Variants in ANXA2 observed in about 807,000 individuals in gnomAD.
ANXA2 encodes the protein annexin II.
In ANXA2, 28 loss-of-function variants were observed where a neutral mutation model predicts 47.3. The ratio of observed to expected loss-of-function variants is 0.59; its 90% CI spans 0.44 to 0.81. The LOEUF (loss-of-function observed/expected upper bound fraction) is 0.81, where lower values mean the gene tolerates loss of function less well. Among genes scored for constraint, ANXA2 ranks in the 40% least tolerant of loss-of-function variants. The pLI, the probability that ANXA2 is intolerant of heterozygous loss-of-function variation, is 0.00. For missense variants in ANXA2, 384 were observed against 414.3 expected, an observed-to-expected ratio of 0.93 and a Z score of 0.64; for synonymous variants, 172 against 155.5, an observed-to-expected ratio of 1.11 and a Z score of -0.79.
chr15:60,391,610 A>C (rs1354880019), intron 1 of ANXA2, among the ~76,000 whole-genome samples: 1 of 152,208 alleles, frequency 6.6e-6, no homozygotes, highest in African/African-American at 2.4e-5. Flanking sequence ...CTATTCACCA[A>C]AACATTTGCT....
chr15:60,348,112 G>A (rs1017037038), intron 12 of ANXA2, among the ~76,000 whole-genome samples: 2 of 152,216 alleles, frequency 1.3e-5, no homozygotes, highest in African/African-American at 4.8e-5. Context: ...GTGGAAATAA[G>A]CTGGTGAGGT....
chr15:60,353,122 C>T (rs959902356), intron 8 of ANXA2, among the ~76,000 whole-genome samples: 5 of 152,108 alleles, frequency 3.3e-5, no homozygotes, highest in African/African-American at 7.2e-5. Flanking sequence ...CTAGAAGTGC[C>T]GTGTGGAATA....
intron 1 of ANXA2, among the ~76,000 whole-genome samples, chr15:60,394,260 G>A (rs2063051893): frequency 6.6e-6 from 1 of 152,116 alleles, no homozygotes. Context: ...TATAGCCTGG[G>A]TGTGGCAGGG....
intron 4 of ANXA2, among the ~76,000 whole-genome samples, chr15:60,362,207 T>G (rs929903317): frequency 1.3e-5 from 2 of 152,150 alleles, no homozygotes; most frequent in African/African-American, 4.8e-5. Context: ...GTCTCCCAGT[T>G]TGGAACTTTG....
chr15:60,382,622 T>G (rs1265626189), intron 2 of ANXA2, 181 bp from the exon 3 acceptor site: 1 of 472,326 alleles, frequency 2.1e-6, no homozygotes. Flanking sequence ...TTTTTTCTAA[T>G]AAGAATTCTT....
chr15:60,387,874 T>G, intron 1 of ANXA2, among the ~76,000 whole-genome samples: 1 of 152,176 alleles, frequency 6.6e-6, no homozygotes. Flanking sequence ...AACTTTGCCA[T>G]GAACCTAAAA....
At position 60,386,041 on chromosome 15, in the gene ANXA2, C is replaced by G; in HGVS notation, c.35G>C (p.Ser12Thr). 6.2e-7 allele frequency: 1 copy of G among 1,612,442 alleles called. No homozygotes were observed. Among genetic ancestry groups the G allele is most frequent in the Non-Finnish European group, 8.5e-7 (1 of 1,179,290 alleles). The change falls in exon 2 of 13, where the codon AGC (serine) becomes ACC (threonine). Residue 12 changes from serine to threonine, a missense_variant. Physicochemically the swap from Ser to Thr is moderately conservative, Grantham distance 58. Transcript: ENST00000451270. ...STVHEILCKL[S>T]LEGDHSTPPS... The stretch of plus-strand genomic sequence containing the variant: ...TGATATACTTACATCACCCTCCAAG[C>G]TGAGCTTGCACAGGATTTCGTGAAC...
intron 11 of ANXA2, among the ~76,000 whole-genome samples, chr15:60,349,898 G>A (rs1410968872): frequency 4.2e-5 from 3 of 71,418 alleles, no homozygotes; most frequent in Non-Finnish European, 5.9e-5. Flanking sequence ...GAGAAGGCAG[G>A]GAGGCAGGGG....
chr15:60,356,056 C>G (rs2062425563), intron 6 of ANXA2, 58 bp from the exon 7 acceptor site: 1 of 1,299,856 alleles, frequency 7.7e-7, no homozygotes, highest in Non-Finnish European at 1.1e-6. Context: ...ACCATCCACC[C>G]CAATCTCCCC....
intron 3 of ANXA2, among the ~76,000 whole-genome samples, chr15:60,368,754 A>T (rs2062673599): frequency 6.6e-6 from 1 of 152,240 alleles, no homozygotes; most frequent in South Asian, 2.1e-4. Context: ...TAATGACCAT[A>T]AATGGGTTTT....
Position 60,351,810 on chromosome 15 carries a change from C to A in ANXA2, c.692G>T (p.Arg231Met). The change falls in exon 10 of 13, where the codon AGG becomes ATG. Residue 231 changes from arginine (R) to methionine (M), a missense_variant. Arg to Met is a moderately conservative substitution (Grantham distance 91, BLOSUM62 -1). Coordinates refer to ENST00000451270, the MANE Select transcript of ANXA2 (RefSeq NM_004039.3). Reference protein sequence around the residue: ...SVPHLQKVFDRYKSYSPYDML... With the variant: ...SVPHLQKVFDMYKSYSPYDML... ...GTCATAAGGGCTGTAACTCTTGTAC[C>A]TATCAAATACTGAGGAAAAACAACA... The A allele has an allele frequency of 6.2e-7, 1 of 1,609,666 alleles. No individual in the cohort carries two copies.
intron 7 of ANXA2, among the ~76,000 whole-genome samples, chr15:60,354,512 C>T (rs1477266355): frequency 1.3e-5 from 2 of 151,646 alleles, no homozygotes; most frequent in African/African-American, 4.8e-5. Context: ...TGCCTGTAGT[C>T]CCAGCTACTC....
chr15:60,374,146 C>T (rs2062746545), intron 3 of ANXA2, among the ~76,000 whole-genome samples: 1 of 152,212 alleles, frequency 6.6e-6, no homozygotes, highest in South Asian at 2.1e-4. Context: ...GCTTTGATCT[C>T]ACTTCAGCTG....
intron 3 of ANXA2, among the ~76,000 whole-genome samples, chr15:60,381,450 C>G (rs1053326018): frequency 3.3e-5 from 5 of 152,136 alleles, no homozygotes; most frequent in African/African-American, 7.2e-5. Context: ...GGGACAACCC[C>G]AAGGATTGCT....
At chr15:60,385,163 A>G (rs2062915431) in intron 2 of ANXA2, among the ~76,000 whole-genome samples, 2 of 152,374 alleles carry the variant, frequency 1.3e-5, no homozygotes, top group African/African-American at 4.8e-5. Context: ...ATAGCCACAG[A>G]AAAAAAGGAA....
intron 1 of ANXA2, chr15:60,395,743 C>T (rs958471146): frequency 6.6e-6 from 1 of 152,198 alleles, no homozygotes; most frequent in Non-Finnish European, 1.5e-5. Flanking sequence ...GTCAGTGAGT[C>T]AGCAATATTT....
chr15:60,363,638 T>C (rs1469725246), intron 4 of ANXA2, among the ~76,000 whole-genome samples: 1 of 152,194 alleles, frequency 6.6e-6, no homozygotes, highest in Non-Finnish European at 1.5e-5. Flanking sequence ...CACGCACTGG[T>C]TGTTTCTTAA....
intron 1 of ANXA2, among the ~76,000 whole-genome samples, chr15:60,397,037 T>C (rs571913844): frequency 1.3e-5 from 2 of 152,334 alleles, no homozygotes; most frequent in South Asian, 2.1e-4. Flanking sequence ...TTAAGCCACC[T>C]TCCCAGATGA....
chr15:60,361,539 G>C (rs1042126947), intron 4 of ANXA2: 2 of 161,610 alleles, frequency 1.2e-5, no homozygotes, highest in African/African-American at 4.8e-5. Context: ...AAAGTCACCA[G>C]AAGGAACCAG....
Sources: allele counts gnomAD v4.1 joint callset (sites outside exome capture counted in the v4.1 genomes callset), GRCh38; gene constraint gnomAD v4.1.1; transcripts MANE v1.5; gene names NCBI Gene and HGNC (gene_info 2026-07-23, HGNC 2026-07-21).